Variants in TIAM1 observed in about 807,000 individuals in gnomAD.
The protein encoded by TIAM1 is rho guanine nucleotide exchange factor TIAM1.
TIAM1 carries 65 observed loss-of-function variants against 163.5 expected under a neutral mutation model. The observed-to-expected ratio is 0.40, with a 90% CI of 0.33 to 0.49. The LOEUF is 0.49. Ranked by LOEUF, TIAM1 falls within the 20% of genes least tolerant of loss-of-function variation. The pLI is 0.77. For synonymous variants in TIAM1, 833 were observed against 810.1 expected (o/e 1.03, Z -0.48); for missense variants, 1,789 against 2,044.7 (o/e 0.87, Z 2.41).
At chr21:31,262,454 T>G (rs1351301729) in intron 4 of TIAM1, among the ~76,000 whole-genome samples, 1 of 152,226 alleles carries the variant, frequency 6.6e-6, no homozygotes, top group East Asian at 1.9e-4. Flanking sequence ...AAATTCTGCT[T>G]CAAATAGCAT....
chr21:31,470,756 C>T (rs2045710181), intron 1 of TIAM1, among the ~76,000 whole-genome samples: 1 of 152,190 alleles, frequency 6.6e-6, no homozygotes, highest in African/African-American at 2.4e-5. Flanking sequence ...TTTTAAGAGA[C>T]AATGCTGCCG....
intron 2 of TIAM1, among the ~76,000 whole-genome samples, chr21:31,443,740 A>C (rs1001848186): frequency 6.6e-6 from 1 of 152,222 alleles, no homozygotes; most frequent in East Asian, 1.9e-4. Flanking sequence ...GGCAAAAAGA[A>C]TCATATTTTA....
At chr21:31,526,322 G>C (rs575869786) in intron 1 of TIAM1, among the ~76,000 whole-genome samples, 5 of 152,312 alleles carry the variant, frequency 3.3e-5, no homozygotes, top group South Asian at 2.1e-4. Flanking sequence ...GAGGTCAAAG[G>C]CTCCACTGAC....
intron 5 of TIAM1, among the ~76,000 whole-genome samples, chr21:31,250,010 G>C (rs935937714): frequency 1.3e-5 from 2 of 152,006 alleles, no homozygotes; most frequent in South Asian, 4.1e-4. Flanking sequence ...GCCAGGCATG[G>C]TGGCACATGC....
intron 2 of TIAM1, among the ~76,000 whole-genome samples, chr21:31,281,710 A>G (rs1205579803): frequency 1.3e-5 from 2 of 150,944 alleles, no homozygotes; most frequent in Non-Finnish European, 1.5e-5. Flanking sequence ...ATGGATGGAT[A>G]GATGGACAGA....
intron 2 of TIAM1, among the ~76,000 whole-genome samples, chr21:31,278,067 C>T (rs1388354861): frequency 6.6e-6 from 1 of 152,184 alleles, no homozygotes; most frequent in African/African-American, 2.4e-5. Flanking sequence ...CCCACTCAAT[C>T]TTCAGAGTCT....
intron 2 of TIAM1, among the ~76,000 whole-genome samples, chr21:31,403,292 C>A (rs1003093186): frequency 6.6e-6 from 1 of 152,018 alleles, no homozygotes; most frequent in African/African-American, 2.4e-5. Context: ...GGACTACAGA[C>A]GCGTGCCACC....
intron 1 of TIAM1, among the ~76,000 whole-genome samples, chr21:31,465,338 C>G (rs1161312793): frequency 6.6e-6 from 1 of 151,910 alleles, no homozygotes; most frequent in Non-Finnish European, 1.5e-5. Flanking sequence ...AACGATCCTC[C>G]CACCGCAGCC....
intron 2 of TIAM1, among the ~76,000 whole-genome samples, chr21:31,415,128 C>G (rs1304466604): frequency 6.6e-6 from 1 of 152,136 alleles, no homozygotes; most frequent in Non-Finnish European, 1.5e-5. Flanking sequence ...AATGGGAGAG[C>G]CTCAGCTATA....
chr21:31,411,894 A>T (rs988052234), intron 2 of TIAM1, among the ~76,000 whole-genome samples: 1 of 144,206 alleles, frequency 6.9e-6, no homozygotes, highest in Admixed American at 7.5e-5. Context: ...ATCGGACAGC[A>T]CTAGAAAGTG....
At chr21:31,526,563 T>C (rs1326778846) in intron 1 of TIAM1, among the ~76,000 whole-genome samples, 1 of 152,180 alleles carries the variant, frequency 6.6e-6, no homozygotes, top group Non-Finnish European at 1.5e-5. Flanking sequence ...GATATGACAA[T>C]GCTTTCCCAC....
At chr21:31,412,559 A>T (rs1016273810) in intron 2 of TIAM1, among the ~76,000 whole-genome samples, 2 of 152,032 alleles carry the variant, frequency 1.3e-5, no homozygotes, top group Admixed American at 6.6e-5. Context: ...AGGCAGGTGG[A>T]TCACCTGGGG....
chr21:31,453,620 G>C (rs950219444), intron 2 of TIAM1, among the ~76,000 whole-genome samples: 1 of 151,840 alleles, frequency 6.6e-6, no homozygotes, highest in Admixed American at 6.6e-5. Context: ...TTGAACCCAG[G>C]AGGCAGAGGT....
In TIAM1 at chr21:31,222,937, C is replaced by T. The variant is rs144099167; in HGVS notation, c.1995+469G>A. Among the ~76,000 whole-genome samples the T allele has an allele frequency of 4.6e-3, 695 of 151,442 alleles. 6 individuals are homozygous for T. The highest frequency in any genetic ancestry group is 0.015 in the African/African-American group (639 of 41,290). ...TTCACCATGTTGGCCAGGTTGGTCT[C>T]GAACTCCTGACCTCAGGTGATCCAC... On this transcript the variant is annotated intron_variant, in intron 8 of 27. Coordinates refer to ENST00000541036, the MANE Select transcript of TIAM1 (RefSeq NM_001353694.2).
chr21:31,451,727 G>GCA (rs1195548792), intron 2 of TIAM1, among the ~76,000 whole-genome samples: 20 of 140,852 alleles, frequency 1.4e-4, no homozygotes, highest in Admixed American at 3.5e-4. Context: ...GCGTGTGTGT[G>GCA]TGTGTGTGTG....
chr21:31,453,426 G>C (rs2044952213), intron 2 of TIAM1, among the ~76,000 whole-genome samples: 1 of 152,152 alleles, frequency 6.6e-6, no homozygotes, highest in South Asian at 2.1e-4. Flanking sequence ...AGGGGGCAGG[G>C]CATGGTGGCT....
intron 2 of TIAM1, among the ~76,000 whole-genome samples, chr21:31,302,919 T>G (rs768195427): frequency 6.6e-6 from 1 of 152,176 alleles, no homozygotes; most frequent in Non-Finnish European, 1.5e-5. Context: ...CAATATATAA[T>G]TCCATTAGTA....
chr21:31,326,876 T>C (rs961283137), intron 2 of TIAM1, among the ~76,000 whole-genome samples: 1 of 152,154 alleles, frequency 6.6e-6, no homozygotes. Flanking sequence ...ATTATTTTGT[T>C]CAAAGTAGAC....
At chr21:31,526,873 G>C (rs754995457) in intron 1 of TIAM1, among the ~76,000 whole-genome samples, 7 of 151,898 alleles carry the variant, frequency 4.6e-5, no homozygotes, top group African/African-American at 1.5e-4. Context: ...AGCTCATTTT[G>C]GTATTTTTAG....
Sources: gnomAD v4.1 joint callset for allele counts (sites outside exome capture counted in the v4.1 genomes callset) on GRCh38, gnomAD v4.1.1 for gene constraint, MANE v1.5 for transcripts, NCBI Gene and HGNC (gene_info 2026-07-23, HGNC 2026-07-21) for gene names.